The following RPP14 variants were observed in gnomAD, a reference collection of about 807,000 sequenced individuals.
The protein encoded by RPP14 is ribonuclease P protein subunit p14.
In RPP14, 19 loss-of-function variants were observed where a neutral mutation model predicts 17.8. The ratio of observed to expected loss-of-function variants is 1.07; its 90% confidence interval spans 0.74 to 1.57. The LOEUF is 1.57. Among genes scored for constraint, RPP14 ranks in the 40% most tolerant of loss-of-function variants. The pLI, the probability that RPP14 is intolerant of heterozygous loss-of-function variation, is 0.00. For missense variants in RPP14, 125 were observed against 140.8 expected, an observed-to-expected ratio of 0.89 and a Z score of 0.57; for synonymous variants, 60 against 56.4, an observed-to-expected ratio of 1.06 and a Z score of -0.29.
Position 58,319,945 on chromosome 3 carries a change from C to T in RPP14, c.*2449C>T, listed in dbSNP as rs2107513808. ...ATCAATTTTTTATAGCATTTTTCAT[C>T]ACCCCCAAAAGAACCTCCCATTAGC... is the stretch of plus-strand genomic sequence containing the variant. On this transcript the variant is annotated 3_prime_UTR_variant, in exon 6 of 6. Coordinates refer to ENST00000295959, the MANE Select transcript of RPP14 (RefSeq NM_007042.6). The T allele has an allele frequency of 6.6e-6, 1 of 152,274 alleles. No individual in the cohort carries two copies. Among genetic ancestry groups the T allele is most frequent in the South Asian group, 2.1e-4 (1 of 4,832 alleles). The allele number at this position is 152,274 out of a possible 1,614,324, so 9.4% of individuals were successfully genotyped here.
At chr3:58,314,326 G>C (rs1417373860) in intron 3 of RPP14, among the ~76,000 whole-genome samples, 2 of 152,192 alleles carry the variant, frequency 1.3e-5, no homozygotes, top group African/African-American at 4.8e-5. Flanking sequence ...ACTCCAGCCA[G>C]GGTGACAGAG....
At chr3:58,310,620 T>C in intron 3 of RPP14, 29 bp downstream of exon 3, 1 of 1,565,926 alleles carries the variant, frequency 6.4e-7, no homozygotes, top group African/African-American at 1.4e-5. Flanking sequence ...GATTGAACAT[T>C]CCAAAGATCT....
At chr3:58,317,139 C>A in intron 5 of RPP14, 146 bp downstream of exon 5, 1 of 649,968 alleles carries the variant, frequency 1.5e-6, no homozygotes, top group Non-Finnish European at 2.6e-6. Context: ...TTGATTGTTT[C>A]CAAAAATGTG....
chr3:58,307,200 G>A (rs1269787495), intron 1 of RPP14, among the ~76,000 whole-genome samples: 1 of 152,128 alleles, frequency 6.6e-6, no homozygotes, highest in Admixed American at 6.5e-5. Flanking sequence ...AGGTGTAGAG[G>A]GAGCAGTCCT....
Position 58,318,280 on chromosome 3 carries a change from G to C in RPP14, c.*784G>C. 3.6e-6 allele frequency: 2 copies of C among 550,694 alleles called. No homozygotes were observed. The highest frequency in any genetic ancestry group is 6.3e-6 in the Non-Finnish European group (2 of 315,026). 34.1% of individuals were successfully genotyped at this position (550,694 alleles called of 1,614,324 possible). A position where few individuals can be genotyped will look rare whatever the true frequency, so the allele number is the denominator to read the frequency against. On this transcript the variant is annotated 3_prime_UTR_variant, in exon 6 of 6. Transcript: ENST00000295959. ...GGGTTGTTCAAATGCCCACTTTCCA[G>C]TTTGGCCTTATGCTTCATGCAGACT... is the stretch of plus-strand genomic sequence containing the variant.
chr3:58,308,738 G>C (rs1011768128), intron 1 of RPP14, among the ~76,000 whole-genome samples: 1 of 152,070 alleles, frequency 6.6e-6, no homozygotes, highest in Non-Finnish European at 1.5e-5. Context: ...TCCTTGATTG[G>C]GCCTCAGTTT....
intron 3 of RPP14, among the ~76,000 whole-genome samples, chr3:58,312,822 A>G (rs903809024): frequency 3.9e-5 from 6 of 152,150 alleles, no homozygotes; most frequent in African/African-American, 1.4e-4. Context: ...TTAGCTGGGC[A>G]TGGTGGCGCA....
rs555627423 is a variant in RPP14 at position 58,314,208 on chromosome 3, G to A, written c.163-2307G>A. On this transcript the variant is annotated intron_variant, in intron 3 of 5. Coordinates refer to ENST00000295959, the MANE Select transcript of RPP14 (RefSeq NM_007042.6). ...TCTGCTAAAGCTATAAAAACTAGCC[G>A]GGCGTGGTGGCACATGCCTGTAACC... Among the ~76,000 whole-genome samples the A allele has an allele frequency of 1.1e-4, 17 of 152,264 alleles. No individual in the cohort carries two copies. The East Asian group carries it at 2.5e-3, about 22-fold the overall frequency.
In RPP14 at chr3:58,310,503, T is replaced by G. The variant is rs1024359935; in HGVS notation, c.78-4T>G. On this transcript the variant is annotated splice_polypyrimidine_tract_variant and splice_region_variant and intron_variant, in intron 2 of 5. Transcript: ENST00000295959. ...ATGACTTTTTTTTTTTTCACTTTTT[T>G]TAGAGAATTTCAAGATTGTGGAGTT... is the stretch of plus-strand genomic sequence containing the variant. The G allele has an allele frequency of 5.6e-6, 9 of 1,607,722 alleles. No homozygotes were observed. Among genetic ancestry groups the G allele is most frequent in the Non-Finnish European group, 7.6e-6 (9 of 1,178,206 alleles).
chr3:58,314,364 T>A (rs2097485935), intron 3 of RPP14, among the ~76,000 whole-genome samples: 2 of 151,920 alleles, frequency 1.3e-5, no homozygotes, highest in African/African-American at 4.8e-5. Context: ...AAAATAATAG[T>A]AATAATAATA....
intron 5 of RPP14, among the ~76,000 whole-genome samples, 179 bp from the exon 6 acceptor site, chr3:58,317,261 A>C (rs1234731709): frequency 6.6e-6 from 1 of 152,080 alleles, no homozygotes; most frequent in African/African-American, 2.4e-5. Flanking sequence ...TGTGTGTTAT[A>C]TATTGGTACG....
At chr3:58,316,244 A>G (rs2097488188) in intron 3 of RPP14, among the ~76,000 whole-genome samples, 1 of 152,220 alleles carries the variant, frequency 6.6e-6, no homozygotes, top group South Asian at 2.1e-4. Context: ...GAAAGAACAT[A>G]GCAAGCTGAC....
In RPP14 at chr3:58,319,678, G is replaced by A. The variant is rs1286927204; in HGVS notation, c.*2182G>A. On this transcript the variant is annotated 3_prime_UTR_variant, in exon 6 of 6. Transcript: ENST00000295959. The stretch of plus-strand genomic sequence containing the variant: ...AAATAAATATTAAGAAGATTATGGA[G>A]GCCAAATTCTTAAGACTTTGGGGGC... 3.9e-5 allele frequency: 6 copies of A among 151,982 alleles called. No individual in the cohort carries two copies. Among genetic ancestry groups the A allele is most frequent in the Non-Finnish European group, 8.8e-5 (6 of 68,016 alleles). The allele number at this position is 151,982 out of a possible 1,614,324, so 9.4% of individuals were successfully genotyped here. A position where few individuals can be genotyped will look rare whatever the true frequency, so the allele number is the denominator to read the frequency against.
chr3:58,320,063 C>T lies in RPP14; in HGVS notation c.*2567C>T, dbSNP rs2097492914. On this transcript the variant is annotated 3_prime_UTR_variant, in exon 6 of 6. Transcript: ENST00000295959. ...CTGTTCTGGACATTTCATAAAAGTT[C>T]ATACAATGTATGATCCTTTGGAACT... The T allele has an allele frequency of 6.6e-6, 1 of 152,098 alleles. No individual in the cohort carries two copies. Among genetic ancestry groups the T allele is most frequent in the South Asian group, 2.1e-4 (1 of 4,832 alleles). The allele number at this position is 152,098 out of a possible 1,614,324, so 9.4% of individuals were successfully genotyped here.
At chr3:58,314,798 T>C (rs2097486606) in intron 3 of RPP14, among the ~76,000 whole-genome samples, 1 of 149,484 alleles carries the variant, frequency 6.7e-6, no homozygotes, top group Non-Finnish European at 1.5e-5. Context: ...GATTCTCCTG[T>C]CTCAGCCTCC....
chr3:58,313,127 C>T (rs1008496462), intron 3 of RPP14, among the ~76,000 whole-genome samples: 47 of 151,852 alleles, frequency 3.1e-4, no homozygotes, highest in African/African-American at 1.0e-3. Context: ...GGCGCAGCGG[C>T]GGGCACCTGT....
intron 3 of RPP14, among the ~76,000 whole-genome samples, chr3:58,314,745 C>T (rs964647794): frequency 7.6e-6 from 1 of 130,908 alleles, no homozygotes; most frequent in Non-Finnish European, 1.5e-5. Flanking sequence ...AGTGCAGTGG[C>T]ACAATCTTGG....
chr3:58,308,474 T>G (rs1372227582), intron 1 of RPP14, among the ~76,000 whole-genome samples: 2 of 152,054 alleles, frequency 1.3e-5, no homozygotes, highest in Non-Finnish European at 2.9e-5. Flanking sequence ...GTTTTTTTTT[T>G]TAGTGACAGG....
Position 58,306,299 on chromosome 3 carries a change from A to C in RPP14, c.-140A>C, listed in dbSNP as rs2097474336. 6.6e-6 allele frequency: 1 copy of C among 152,268 alleles called. No individual in the cohort carries two copies. Among genetic ancestry groups the C allele is most frequent in the Non-Finnish European group, 1.5e-5 (1 of 68,090 alleles). The allele number at this position is 152,268 out of a possible 1,614,324, so 9.4% of individuals were successfully genotyped here. ...GCGGGACGAGGAGAAGCCAAACGTA[A>C]AGACACCAGGAGTTTCTCGGGCCCA... is the stretch of plus-strand genomic sequence containing the variant. On this transcript the variant is annotated 5_prime_UTR_variant, in exon 1 of 6. Transcript: ENST00000295959.
Sources: allele counts gnomAD v4.1 joint callset (sites outside exome capture counted in the v4.1 genomes callset), GRCh38; gene constraint gnomAD v4.1.1; transcripts MANE v1.5; gene names NCBI Gene and HGNC (gene_info 2026-07-23, HGNC 2026-07-21).